CCDC85C: variants seen among roughly 807,000 people sequenced by gnomAD.
CCDC85C encodes coiled-coil domain containing 85C.
A neutral mutation model predicts 38.3 loss-of-function variants in CCDC85C; 18 were observed. The ratio of observed to expected loss-of-function variants is 0.47; its 90% CI spans 0.33 to 0.70. The LOEUF is 0.70. CCDC85C is among the 30% of genes least tolerant of loss of function. The pLI, the probability that CCDC85C is intolerant of heterozygous loss-of-function variation, is 0.03. For missense variants in CCDC85C, 566 were observed against 621.2 expected, an observed-to-expected ratio of 0.91 and a Z score of 0.94; for synonymous variants, 264 against 293.8, an observed-to-expected ratio of 0.90 and a Z score of 1.04.
chr14:99,541,839 G>T (rs1361830743), intron 1 of CCDC85C, among the ~76,000 whole-genome samples: 3 of 152,188 alleles, frequency 2.0e-5, no homozygotes, highest in Non-Finnish European at 4.4e-5. Flanking sequence ...GAGGCTGGGG[G>T]CGAGGGAGCT....
Position 99,522,147 on chromosome 14 carries a change from C to CCTG in CCDC85C, c.958_960dup (p.Gln320dup). Reference sequence around the variant, plus strand: ...TGCACACTCACGTTCTGCAGGGAGTCCTGGTAGGAGGGCGGCAGGGACGCA... The same window carrying CCTG: ...TGCACACTCACGTTCTGCAGGGAGTCCTGCTGGTAGGAGGGCGGCAGGGACGCA... On this transcript the variant is annotated inframe_insertion, in exon 3 of 6. Coordinates refer to ENST00000380243, the MANE Select transcript of CCDC85C (RefSeq NM_001144995.2). 1.3e-6 allele frequency: 2 copies of CCTG among 1,550,936 alleles called. No individual in the cohort carries two copies. Among genetic ancestry groups the CCTG allele is most frequent in the South Asian group, 2.4e-5 (2 of 84,048 alleles).
In CCDC85C at chr14:99,511,717, C is replaced by G. The variant is rs1007539839; in HGVS notation, c.*3529G>C. The G allele has an allele frequency of 5.2e-5, 8 of 152,854 alleles. No homozygotes were observed. The highest frequency in any genetic ancestry group is 4.6e-4 in the Admixed American group (7 of 15,312). 9.5% of individuals were successfully genotyped at this position (152,854 alleles called of 1,614,324 possible). Reference sequence around the variant, plus strand: ...GCTGCCTGCCAAGCCAGCCTGCCCCCATCCTGTGCCTGCCTTGGTTTCCTT... The same window carrying G: ...GCTGCCTGCCAAGCCAGCCTGCCCCGATCCTGTGCCTGCCTTGGTTTCCTT... On this transcript the variant is annotated 3_prime_UTR_variant, in exon 6 of 6. Transcript: ENST00000380243.
intron 3 of CCDC85C, among the ~76,000 whole-genome samples, chr14:99,517,712 G>GAT (rs1897248779): frequency 2.0e-5 from 3 of 152,310 alleles, no homozygotes; most frequent in African/African-American, 7.2e-5. Flanking sequence ...TTGGCTGCCA[G>GAT]GTGCCCAGCT....
At position 99,576,886 on chromosome 14, in the gene CCDC85C, AC is replaced by A. The variant is rs1052431325; in HGVS notation, c.793+26280del. Among the ~76,000 whole-genome samples, 1 of 151,674 alleles carries A rather than the reference AC, an allele frequency of 6.6e-6. No homozygotes were observed. The highest frequency in any genetic ancestry group is 1.5e-5 in the Non-Finnish European group (1 of 67,872). On this transcript the variant is annotated intron_variant, in intron 1 of 5. Coordinates refer to ENST00000380243, the MANE Select transcript of CCDC85C (RefSeq NM_001144995.2). The surrounding 1 kb of genome is among the most constrained non-coding windows in gnomAD (Gnocchi z 4.8). The stretch of plus-strand genomic sequence containing the variant: ...AGCGGGGCAGCACTCTCTCCGGGTC[AC>A]CCCGGATGCCTTCAGCACAGCTCCT...
At chr14:99,587,796 C>T (rs937223531) in intron 1 of CCDC85C, among the ~76,000 whole-genome samples, 17 of 152,198 alleles carry the variant, frequency 1.1e-4, no homozygotes, top group African/African-American at 3.9e-4. Context: ...CTGACTCTAC[C>T]TCTCCCGCAG....
intron 1 of CCDC85C, among the ~76,000 whole-genome samples, chr14:99,587,367 C>A (rs2055038084): frequency 6.6e-6 from 1 of 152,178 alleles, no homozygotes; most frequent in African/African-American, 2.4e-5. Flanking sequence ...TAGCTCAGTG[C>A]CTAAAGTTAA....
In CCDC85C at chr14:99,503,084, A is replaced by G; in HGVS notation, c.*12162T>C. On this transcript the variant is annotated 3_prime_UTR_variant, in exon 6 of 6. Transcript: ENST00000380243. The stretch of plus-strand genomic sequence containing the variant: ...TCTAAGCGAGCACAGGGAACACCGG[A>G]AGCAGGGGGTGTTCGCCGAAACTCG... The G allele has an allele frequency of 7.5e-7, 1 of 1,339,856 alleles. No homozygotes were observed. 83.0% of individuals were successfully genotyped at this position (1,339,856 alleles called of 1,614,324 possible).
chr14:99,550,721 A>T (rs759218544), intron 1 of CCDC85C, among the ~76,000 whole-genome samples: 2 of 152,108 alleles, frequency 1.3e-5, no homozygotes, highest in Admixed American at 6.5e-5. Flanking sequence ...ACTTCACAAA[A>T]ACTGCCCTGT....
rs1355278654 is a variant in CCDC85C, at chr14:99,558,301, A to G, written c.794-22213T>C. Among the ~76,000 whole-genome samples, 1 of 152,186 alleles carries G rather than the reference A, an allele frequency of 6.6e-6. No homozygotes were observed. Among genetic ancestry groups the G allele is most frequent in the Non-Finnish European group, 1.5e-5 (1 of 68,036 alleles). On this transcript the variant is annotated intron_variant, in intron 1 of 5. Coordinates refer to ENST00000380243, the MANE Select transcript of CCDC85C (RefSeq NM_001144995.2). The surrounding 1 kb of genome is among the most constrained non-coding windows in gnomAD (Gnocchi z 4.2). ...AATTCATGTCCGCCCAGAACCTCAG[A>G]ATGTGATCTTATTTGGAAATACGGT...
In CCDC85C at chr14:99,574,888, G is replaced by A. The variant is rs1595095604; in HGVS notation, c.793+28279C>T. ...GGGCCAGATCCCCACCCAGGGACAGGCTGTAGAAGCCATTCTGTGGGACGC... is the reference window on the plus strand; with the variant it reads ...GGGCCAGATCCCCACCCAGGGACAGACTGTAGAAGCCATTCTGTGGGACGC... On this transcript the variant is annotated intron_variant, in intron 1 of 5. Transcript: ENST00000380243. 2.6e-5 allele frequency among the ~76,000 whole-genome samples: 4 copies of A among 152,308 alleles called. 1 individual carries two copies. Among genetic ancestry groups the A allele is most frequent in the Admixed American group, 2.6e-4 (4 of 15,306 alleles).
chr14:99,562,401 C>T lies in CCDC85C; in HGVS notation c.794-26313G>A, dbSNP rs149316239. Reference sequence around the variant, plus strand: ...GAGCCACAGCGCAATGCCACACAATCACTGAGGAACAGTAACGCGCTGCTG... The same window carrying T: ...GAGCCACAGCGCAATGCCACACAATTACTGAGGAACAGTAACGCGCTGCTG... On this transcript the variant is annotated intron_variant, in intron 1 of 5. Transcript: ENST00000380243. 4.0e-4 allele frequency among the ~76,000 whole-genome samples: 61 copies of T among 152,350 alleles called. No homozygotes were observed. The Middle Eastern group carries it at 0.01, about 25-fold the overall frequency.
chr14:99,576,958 G>A lies in CCDC85C; in HGVS notation c.793+26209C>T, dbSNP rs1595096815. On this transcript the variant is annotated intron_variant, in intron 1 of 5. Transcript: ENST00000380243. The surrounding 1 kb of genome is among the most constrained non-coding windows in gnomAD (Gnocchi z 4.8). ...TCTCCCTCGCCCCCAGGCTGCCTGGGGGCACGGTGGACACCAGCGAATGCC... is the reference window on the plus strand; with the variant it reads ...TCTCCCTCGCCCCCAGGCTGCCTGGAGGCACGGTGGACACCAGCGAATGCC... Among the ~76,000 whole-genome samples the A allele has an allele frequency of 6.6e-6, 1 of 152,016 alleles. No individual in the cohort carries two copies. Among genetic ancestry groups the A allele is most frequent in the East Asian group, 2.0e-4 (1 of 5,086 alleles).
rs554821197 is a variant in CCDC85C, at chr14:99,523,846, G to A, written c.868-1606C>T. The stretch of plus-strand genomic sequence containing the variant: ...ATGGGACTGCCATGCCCTGACCACG[G>A]CATTAACCCTGGCTGACCCTGCCTA... On this transcript the variant is annotated intron_variant, in intron 2 of 5. Coordinates refer to ENST00000380243, the MANE Select transcript of CCDC85C (RefSeq NM_001144995.2). 5.9e-5 allele frequency among the ~76,000 whole-genome samples: 9 copies of A among 152,232 alleles called. No individual in the cohort carries two copies. In the South Asian group the frequency reaches 1.2e-3, roughly 21 times the overall value.
intron 2 of CCDC85C, among the ~76,000 whole-genome samples, chr14:99,529,959 A>T (rs762025538): frequency 3.7e-4 from 57 of 152,244 alleles, no homozygotes; most frequent in African/African-American, 1.4e-3. Flanking sequence ...AGACACCATT[A>T]GTGTCCCCAT....
intron 1 of CCDC85C, among the ~76,000 whole-genome samples, chr14:99,541,851 CA>C (rs1423402955): frequency 6.6e-6 from 1 of 152,202 alleles, no homozygotes; most frequent in African/African-American, 2.4e-5. Flanking sequence ...GAGGGAGCTG[CA>C]GTGACACACA....
intron 1 of CCDC85C, among the ~76,000 whole-genome samples, chr14:99,551,432 G>A (rs1377529921): frequency 6.6e-6 from 1 of 152,046 alleles, no homozygotes; most frequent in Non-Finnish European, 1.5e-5. Flanking sequence ...TGAATGAGCA[G>A]GTGGGTGTGC....
At chr14:99,590,161 C>T (rs568519998) in intron 1 of CCDC85C, among the ~76,000 whole-genome samples, 15 of 152,260 alleles carry the variant, frequency 9.9e-5, no homozygotes, top group South Asian at 4.1e-4. Flanking sequence ...GGGCTGGGGA[C>T]GCCAGCAAAA....
rs1046186955 is a variant in CCDC85C, at chr14:99,556,865, C to T, written c.794-20777G>A. Reference sequence around the variant, plus strand: ...TTAAGAAATGTGTACCAAGGTATTTCGTGTGAAAGGGGTGTGTTAACTCTA... The same window carrying T: ...TTAAGAAATGTGTACCAAGGTATTTTGTGTGAAAGGGGTGTGTTAACTCTA... On this transcript the variant is annotated intron_variant, in intron 1 of 5. Coordinates refer to ENST00000380243, the MANE Select transcript of CCDC85C (RefSeq NM_001144995.2). Among the ~76,000 whole-genome samples, 6 of 150,132 alleles carry T rather than the reference C, an allele frequency of 4.0e-5. No individual in the cohort carries two copies. The Admixed American group carries it at 4.0e-4, about 10-fold the overall frequency.
rs901826282 is a variant in CCDC85C, at chr14:99,502,498, C to A, written c.*12748G>T. 5 of 1,407,462 alleles carry A rather than the reference C, an allele frequency of 3.6e-6. No homozygotes were observed. The highest frequency in any genetic ancestry group is 4.7e-6 in the Non-Finnish European group (5 of 1,056,136). 87.2% of individuals were successfully genotyped at this position (1,407,462 alleles called of 1,614,324 possible). Reference sequence around the variant, plus strand: ...ACATATGTGAGCAATATTTCAGAAGCATCATTAATTAAATTATCTAATAGT... The same window carrying A: ...ACATATGTGAGCAATATTTCAGAAGAATCATTAATTAAATTATCTAATAGT... On this transcript the variant is annotated 3_prime_UTR_variant, in exon 6 of 6. Transcript: ENST00000380243.
Sources: gnomAD v4.1 joint callset for allele counts (sites outside exome capture counted in the v4.1 genomes callset) on GRCh38, gnomAD v4.1.1 for gene constraint, Gnocchi (gnomAD v3.1) non-coding constraint, MANE v1.5 for transcripts, NCBI Gene and HGNC (gene_info 2026-07-23, HGNC 2026-07-21) for gene names.